ARHGAP24: variants seen among roughly 807,000 people sequenced by gnomAD.
The protein encoded by ARHGAP24 is Rho GTPase activating protein 24.
ARHGAP24 carries 50 observed loss-of-function variants against 76.4 expected under a neutral mutation model. The observed-to-expected ratio is 0.65, with a 90% CI of 0.52 to 0.83. ARHGAP24 has a LOEUF of 0.83. Ranked by LOEUF, ARHGAP24 falls within the 40% of genes least tolerant of loss-of-function variation. The pLI, the probability that ARHGAP24 is intolerant of heterozygous loss-of-function variation, is 0.00. For missense variants in ARHGAP24, 930 were observed against 914.2 expected (o/e 1.02, Z -0.22); for synonymous variants, 345 against 323.3 (o/e 1.07, Z -0.72).
intron 1 of ARHGAP24, among the ~76,000 whole-genome samples, chr4:85,506,695 A>C (rs1053955236): frequency 1.3e-5 from 2 of 152,142 alleles, no homozygotes; most frequent in Non-Finnish European, 2.9e-5. Flanking sequence ...AACCCCTTGC[A>C]CTTCCTGGGT....
chr4:85,756,061 A>G (rs1205841729), intron 3 of ARHGAP24, among the ~76,000 whole-genome samples: 3 of 152,232 alleles, frequency 2.0e-5, no homozygotes. Context: ...ATGATACAAT[A>G]CATTGATCAT....
chr4:85,691,367 T>C (rs1040514293), intron 2 of ARHGAP24, among the ~76,000 whole-genome samples: 3 of 152,190 alleles, frequency 2.0e-5, no homozygotes, highest in Admixed American at 6.5e-5. Context: ...TTAAGTCCAA[T>C]TGGTAAAATG....
At chr4:85,602,044 G>A (rs17010534) in intron 2 of ARHGAP24, among the ~76,000 whole-genome samples, 130,501 of 149,574 alleles carry the variant, frequency 0.87, 56,776 homozygotes, top group East Asian at 0.98. Context: ...CAAAGGCCCA[G>A]TGTTTTTTCT....
chr4:85,989,869 T>A (rs904954497), intron 8 of ARHGAP24: 3 of 151,766 alleles, frequency 2.0e-5, no homozygotes, highest in Non-Finnish European at 4.4e-5. Flanking sequence ...CTATTGTTAA[T>A]GGTAAAAGAC....
chr4:85,753,700 G>A lies in ARHGAP24; in HGVS notation c.268+31728G>A, dbSNP rs182414006. Among the ~76,000 whole-genome samples the A allele has an allele frequency of 2.5e-3, 379 of 152,246 alleles. 8 individuals are homozygous for A. Among genetic ancestry groups the A allele is most frequent in the Non-Finnish European group, 5.0e-4 (34 of 68,012 alleles). ...TTTCTGGCCTATTTACAGATCAGCC[G>A]TCATTCTTCTGTATAGCAATAGTTT... On this transcript the variant is annotated intron_variant, in intron 3 of 9. Transcript: ENST00000395184.
At chr4:85,536,850 T>C (rs920064411) in intron 1 of ARHGAP24, among the ~76,000 whole-genome samples, 5 of 152,138 alleles carry the variant, frequency 3.3e-5, no homozygotes, top group Non-Finnish European at 7.4e-5. Context: ...AGAGTATTTA[T>C]AGATATGTAG....
At chr4:85,932,916 G>C (rs1427310595) in intron 4 of ARHGAP24, among the ~76,000 whole-genome samples, 1 of 152,048 alleles carries the variant, frequency 6.6e-6, no homozygotes, top group East Asian at 1.9e-4. Flanking sequence ...GCCCCAACCC[G>C]CCGCCACCTT....
intron 3 of ARHGAP24, among the ~76,000 whole-genome samples, chr4:85,747,619 C>T (rs1362766187): frequency 2.0e-5 from 3 of 152,080 alleles, no homozygotes; most frequent in Non-Finnish European, 4.4e-5. Flanking sequence ...AGGAGAATGG[C>T]GTGAACCCGG....
At chr4:85,868,269 G>T (rs987333357) in intron 3 of ARHGAP24, among the ~76,000 whole-genome samples, 2 of 152,068 alleles carry the variant, frequency 1.3e-5, no homozygotes, top group Non-Finnish European at 2.9e-5. Flanking sequence ...TTAAGGTAAG[G>T]GTTGTGGAAG....
chr4:85,824,704 CAT>C (rs1171304491), intron 3 of ARHGAP24, among the ~76,000 whole-genome samples: 1 of 145,682 alleles, frequency 6.9e-6, no homozygotes, highest in East Asian at 2.3e-4. Flanking sequence ...AAAAAAACAA[CAT>C]AGAGGTTCAG....
intron 3 of ARHGAP24, among the ~76,000 whole-genome samples, chr4:85,759,313 T>C (rs1480645807): frequency 6.6e-6 from 1 of 152,192 alleles, no homozygotes; most frequent in Non-Finnish European, 1.5e-5. Flanking sequence ...AATTACTTTT[T>C]GCCAGAAGAA....
intron 1 of ARHGAP24, among the ~76,000 whole-genome samples, chr4:85,501,061 A>G (rs575729587): frequency 6.6e-6 from 1 of 152,150 alleles, no homozygotes; most frequent in African/African-American, 2.4e-5. Flanking sequence ...ATCCTTTTTT[A>G]TGTCTGAATA....
At chr4:85,711,329 T>C (rs958118251) in intron 2 of ARHGAP24, among the ~76,000 whole-genome samples, 4 of 151,872 alleles carry the variant, frequency 2.6e-5, no homozygotes, top group African/African-American at 9.7e-5. Context: ...AAAATCTATA[T>C]AAAAAACCCC....
At chr4:85,834,372 A>G (rs985609233) in intron 3 of ARHGAP24, among the ~76,000 whole-genome samples, 1 of 152,238 alleles carries the variant, frequency 6.6e-6, no homozygotes. Flanking sequence ...TCATGAAGGA[A>G]AATAGAGAAT....
chr4:85,505,021 T>G (rs1233403848), intron 1 of ARHGAP24, among the ~76,000 whole-genome samples: 1 of 152,228 alleles, frequency 6.6e-6, no homozygotes, highest in African/African-American at 2.4e-5. Context: ...TGAAAAATTC[T>G]GTTCTTTAAG....
chr4:85,913,956 C>T (rs1207849093), intron 3 of ARHGAP24, among the ~76,000 whole-genome samples: 1 of 152,180 alleles, frequency 6.6e-6, no homozygotes, highest in African/African-American at 2.4e-5. Flanking sequence ...AAACTCTAGG[C>T]ATCAGGGAAA....
At chr4:85,778,916 G>A in intron 3 of ARHGAP24, 1 of 985,422 alleles carries the variant, frequency 1.0e-6, no homozygotes, top group Non-Finnish European at 1.2e-6. Context: ...AGTTAAACAA[G>A]AGTCGGCACT....
intron 3 of ARHGAP24, among the ~76,000 whole-genome samples, chr4:85,921,302 G>T (rs529568684): frequency 6.6e-6 from 1 of 152,278 alleles, no homozygotes; most frequent in African/African-American, 2.4e-5. Context: ...AATACTGCAT[G>T]ATCTCACTTA....
At chr4:85,519,227 A>G (rs1489468041) in intron 1 of ARHGAP24, among the ~76,000 whole-genome samples, 1 of 152,054 alleles carries the variant, frequency 6.6e-6, no homozygotes, top group Non-Finnish European at 1.5e-5. Flanking sequence ...TTTTTTCCTC[A>G]ATTCCCCTTT....
Sources: allele counts gnomAD v4.1 joint callset (sites outside exome capture counted in the v4.1 genomes callset), GRCh38; gene constraint gnomAD v4.1.1; transcripts MANE v1.5; gene names NCBI Gene and HGNC (gene_info 2026-07-23, HGNC 2026-07-21).